The following CTNS variants were observed in gnomAD, a reference collection of about 807,000 sequenced individuals.
CTNS encodes the protein cystinosin.
CTNS carries 27 observed loss-of-function variants against 43.7 expected under a neutral mutation model. The observed-to-expected ratio is 0.62, with a 90% CI of 0.46 to 0.85. CTNS has a LOEUF of 0.85. Among genes scored for constraint, CTNS ranks in the 40% least tolerant of loss-of-function variants. The pLI is 0.00. For synonymous variants in CTNS, 187 were observed against 190.6 expected, an observed-to-expected ratio of 0.98 and a Z score of 0.16; for missense variants, 457 against 475.4, an observed-to-expected ratio of 0.96 and a Z score of 0.36.
chr17:3,662,713 C>T lies in CTNS; in HGVS notation c.*2344C>T, dbSNP rs557157626. On this transcript the variant is annotated 3_prime_UTR_variant, in exon 12 of 12. Coordinates refer to ENST00000046640, the MANE Select transcript of CTNS (RefSeq NM_004937.3). ...TCCCACAGATGTGGTTCTGGTCAGG[C>T]GCAGTGCAGCTGCTGCGGCTCCACC... Among the ~76,000 whole-genome samples, 10 of 151,284 alleles carry T rather than the reference C, an allele frequency of 6.6e-5. No homozygotes were observed. Among genetic ancestry groups the T allele is most frequent in the East Asian group, 5.9e-4 (3 of 5,110 alleles).
Position 3,662,600 on chromosome 17 carries a change from A to C in CTNS, c.*2231A>C, listed in dbSNP as rs763040500. On this transcript the variant is annotated 3_prime_UTR_variant, in exon 12 of 12. Transcript: ENST00000046640. ...GGTGGGAGCTGAGGCTAGGTTGCAA[A>C]AAGGAGGTTGGGAGCAAGTAGGGGC... 3.9e-5 allele frequency among the ~76,000 whole-genome samples: 6 copies of C among 152,124 alleles called. No individual in the cohort carries two copies. The highest frequency in any genetic ancestry group is 8.8e-5 in the Non-Finnish European group (6 of 68,012).
At position 3,662,739 on chromosome 17, in the gene CTNS, A is replaced by T. The variant is rs2076294483; in HGVS notation, c.*2370A>T. On this transcript the variant is annotated 3_prime_UTR_variant, in exon 12 of 12. Coordinates refer to ENST00000046640, the MANE Select transcript of CTNS (RefSeq NM_004937.3). ...GCAGTGCAGCTGCTGCGGCTCCACC[A>T]GCCCCGGGCTTTCAGGCAGGTGGGC... Among the ~76,000 whole-genome samples the T allele has an allele frequency of 2.0e-5, 1 of 50,630 alleles. No individual in the cohort carries two copies. Among genetic ancestry groups the T allele is most frequent in the South Asian group, 5.1e-4 (1 of 1,958 alleles). The allele number at this position is 50,630 out of a possible 152,430, so 33.2% of individuals were successfully genotyped here. A position where few individuals can be genotyped will look rare whatever the true frequency, so the allele number is the denominator to read the frequency against.
At chr17:3,656,926 G>T (rs1390574799) in intron 9 of CTNS, 131 bp downstream of exon 9, 1 of 1,452,504 alleles carries the variant, frequency 6.9e-7, no homozygotes, top group Non-Finnish European at 9.3e-7. Flanking sequence ...CCTGTGCTGG[G>T]CATAGAAGAC....
chr17:3,656,904 A>T, intron 9 of CTNS, 109 bp downstream of exon 9: 3 of 1,544,404 alleles, frequency 1.9e-6, no homozygotes, highest in African/African-American at 1.4e-5. Flanking sequence ...GTGTGTGTTC[A>T]TTCATCCAGG....
At chr17:3,651,347 G>A (rs961159222) in intron 5 of CTNS, among the ~76,000 whole-genome samples, 5 of 152,172 alleles carry the variant, frequency 3.3e-5, no homozygotes, top group South Asian at 2.1e-4. Context: ...CGCCCACCTC[G>A]GCCTCCCAAA....
At position 3,660,593 on chromosome 17, in the gene CTNS, A is replaced by T; in HGVS notation, c.*224A>T. On this transcript the variant is annotated 3_prime_UTR_variant, in exon 12 of 12. Coordinates refer to ENST00000046640, the MANE Select transcript of CTNS (RefSeq NM_004937.3). The stretch of plus-strand genomic sequence containing the variant: ...CCAGGCACGTGGCACCGTCGCCTTG[A>T]CACCGCCATCTCTTTTCTTTAAGGC... The T allele has an allele frequency of 6.2e-7, 1 of 1,613,270 alleles. No individual in the cohort carries two copies. The highest frequency in any genetic ancestry group is 1.7e-5 in the Admixed American group (1 of 60,028).
chr17:3,656,918 T>C (rs2076163027), intron 9 of CTNS, 123 bp downstream of exon 9: 2 of 1,493,146 alleles, frequency 1.3e-6, no homozygotes, highest in African/African-American at 2.8e-5. Context: ...ATCCAGGTCC[T>C]GTGCTGGGCA....
chr17:3,646,683 C>T (rs1313158798), intron 3 of CTNS, among the ~76,000 whole-genome samples: 1 of 151,992 alleles, frequency 6.6e-6, no homozygotes, highest in Admixed American at 6.6e-5. Context: ...GCAGTCCTCC[C>T]GCCTTGGCCT....
In CTNS at chr17:3,661,029, C is replaced by T. The variant is rs2076268760; in HGVS notation, c.*660C>T. 1 of 462,314 alleles carries T rather than the reference C, an allele frequency of 2.2e-6. No homozygotes were observed. Among genetic ancestry groups the T allele is most frequent in the Non-Finnish European group, 4.0e-6 (1 of 250,436 alleles). The allele number at this position is 462,314 out of a possible 1,614,324, so 28.6% of individuals were successfully genotyped here. A position where few individuals can be genotyped will look rare whatever the true frequency, so the allele number is the denominator to read the frequency against. On this transcript the variant is annotated 3_prime_UTR_variant, in exon 12 of 12. Transcript: ENST00000046640. Reference sequence around the variant, plus strand: ...TGCCCAGCGCATTAGCATAGTAACTCCTTTCAGATTTTTTGGAGGGACGTT... The same window carrying T: ...TGCCCAGCGCATTAGCATAGTAACTTCTTTCAGATTTTTTGGAGGGACGTT...
chr17:3,655,454 T>C, intron 7 of CTNS, 102 bp downstream of exon 7: 1 of 1,532,782 alleles, frequency 6.5e-7, no homozygotes, highest in South Asian at 1.1e-5. Context: ...CCCTCTACCC[T>C]TCTGTCTGCC....
At chr17:3,636,556 C>T, upstream of CTNS, 1 of 281,236 alleles carries the variant, frequency 3.6e-6, no homozygotes, top group Non-Finnish European at 6.7e-6. Flanking sequence ...GTGTCCCTGG[C>T]AGCGGACCTC....
chr17:3,656,980 G>A (rs962293523), intron 9 of CTNS, 185 bp downstream of exon 9: 2 of 878,842 alleles, frequency 2.3e-6, no homozygotes, highest in Non-Finnish European at 1.8e-6. Context: ...TCTGGGGTGA[G>A]GGACTCAGGG....
intron 3 of CTNS, 45 bp from the exon 4 acceptor site, chr17:3,647,399 G>C: frequency 6.4e-7 from 1 of 1,554,280 alleles, no homozygotes; most frequent in East Asian, 2.2e-5. Flanking sequence ...TCACAGGCCT[G>C]AACTCTGACC....
Position 3,656,506 on chromosome 17 carries a change from G to A in CTNS, c.481G>A (p.Asp161Asn), listed in dbSNP as rs371533565. ...RRKSVIGLSFDFVALNLTGFV... is the reference protein window; with the variant it reads ...RRKSVIGLSFNFVALNLTGFV... Reference sequence around the variant, plus strand: ...CTGCAGTGTCATTGGTCTGAGCTTCGACTTCGTGGCTCTGAACCTGACGGG... The same window carrying A: ...CTGCAGTGTCATTGGTCTGAGCTTCAACTTCGTGGCTCTGAACCTGACGGG... The change falls in exon 8 of 12, where the codon GAC becomes AAC. Residue 161 changes from aspartate (D) to asparagine (N), a missense_variant. Coordinates refer to ENST00000046640, the MANE Select transcript of CTNS (RefSeq NM_004937.3). The A allele has an allele frequency of 3.0e-5, 48 of 1,598,070 alleles. No homozygotes were observed. The East Asian group carries it at 8.3e-4, about 28-fold the overall frequency.
At chr17:3,647,227 G>A (rs970676985) in intron 3 of CTNS, among the ~76,000 whole-genome samples, 1 of 152,204 alleles carries the variant, frequency 6.6e-6, no homozygotes, top group Non-Finnish European at 1.5e-5. Flanking sequence ...GGACGCTCCG[G>A]CGTTTCCTGC....
intron 5 of CTNS, among the ~76,000 whole-genome samples, chr17:3,650,742 T>C (rs1225916864): frequency 6.6e-6 from 1 of 152,224 alleles, no homozygotes; most frequent in Non-Finnish European, 1.5e-5. Flanking sequence ...TTGCTTCGTT[T>C]AGGGCCAAAC....
At chr17:3,650,414 C>G in intron 5 of CTNS, 1 of 1,492,526 alleles carries the variant, frequency 6.7e-7, no homozygotes, top group Non-Finnish European at 9.0e-7. Flanking sequence ...CCCAGGAACT[C>G]AAGGCTGCAG....
chr17:3,661,037 AT>A lies in CTNS; in HGVS notation c.*674del. The stretch of plus-strand genomic sequence containing the variant: ...GCATTAGCATAGTAACTCCTTTCAG[AT>A]TTTTTGGAGGGACGTTTGGAAGTGG... On this transcript the variant is annotated 3_prime_UTR_variant, in exon 12 of 12. Coordinates refer to ENST00000046640, the MANE Select transcript of CTNS (RefSeq NM_004937.3). 1 of 440,716 alleles carries A rather than the reference AT, an allele frequency of 2.3e-6. No homozygotes were observed. The highest frequency in any genetic ancestry group is 4.2e-6 in the Non-Finnish European group (1 of 236,704). The allele number at this position is 440,716 out of a possible 1,614,324, so 27.3% of individuals were successfully genotyped here. A position where few individuals can be genotyped will look rare whatever the true frequency, so the allele number is the denominator to read the frequency against.
intron 5 of CTNS, among the ~76,000 whole-genome samples, chr17:3,654,440 G>A (rs756464539): frequency 2.0e-5 from 3 of 152,064 alleles, no homozygotes; most frequent in Admixed American, 6.6e-5. Flanking sequence ...TTGGGAGGCC[G>A]AGGTGGGCGG....
Sources: gnomAD v4.1 joint callset for allele counts (sites outside exome capture counted in the v4.1 genomes callset) on GRCh38, gnomAD v4.1.1 for gene constraint, MANE v1.5 for transcripts, NCBI Gene and HGNC (gene_info 2026-07-23, HGNC 2026-07-21) for gene names.